Variants in MEGF6 observed in about 807,000 individuals in gnomAD.
MEGF6 encodes the protein multiple epidermal growth factor-like domains protein 6.
A neutral mutation model predicts 207.1 loss-of-function variants in MEGF6; 184 were observed. The observed-to-expected ratio is 0.89, with a 90% CI of 0.79 to 1.00. The LOEUF (loss-of-function observed/expected upper bound fraction) is 1.00. Ranked by LOEUF, MEGF6 falls within the 50% of genes least tolerant of loss-of-function variation. The probability of loss-of-function intolerance (pLI) is 0.00; values close to 1 mark genes in which losing one functional copy is unlikely to be tolerated. For synonymous variants in MEGF6, 1,038 were observed against 910.0 expected (o/e 1.14, Z -2.53); for missense variants, 2,282 against 2,202.9 (o/e 1.04, Z -0.72).
chr1:3,536,746 G>A (rs1319790147), intron 4 of MEGF6, among the ~76,000 whole-genome samples: 6 of 152,306 alleles, frequency 3.9e-5, no homozygotes, highest in South Asian at 4.1e-4. Context: ...CAAGCTGGGC[G>A]GCCACCAGGC....
rs1317146279 is a variant in MEGF6 at position 3,514,549 on chromosome 1, C to A, written c.853+1G>T. On this transcript the variant is annotated splice_donor_variant, in intron 7 of 36. Coordinates refer to ENST00000356575, the MANE Select transcript of MEGF6 (RefSeq NM_001409.4). LOFTEE classifies it high-confidence loss of function. ...GGCGGAGCAGGGGAGGGGCGTCCTA[C>A]CTTCACAGGCCTTGCCGTCCGCTGC... 2.5e-6 allele frequency: 4 copies of A among 1,589,934 alleles called. No individual in the cohort carries two copies. The highest frequency in any genetic ancestry group is 3.4e-6 in the Non-Finnish European group (4 of 1,171,700).
intron 5 of MEGF6, among the ~76,000 whole-genome samples, chr1:3,519,927 C>G (rs1641681458): frequency 5.3e-5 from 8 of 152,164 alleles, no homozygotes. Flanking sequence ...TGGGAGGCCA[C>G]CCCCAGCCGT....
At position 3,490,931 on chromosome 1, in the gene MEGF6, C is replaced by T. The variant is rs756253148; in HGVS notation, c.4545G>A (p.Pro1515=). Reference sequence around the variant, plus strand: ...CCTTACCTGAGCCCTGGGCTAAGGACGGGTTCTCGGGGAGCCGGAGGGGCC... The same window carrying T: ...CCTTACCTGAGCCCTGGGCTAAGGATGGGTTCTCGGGGAGCCGGAGGGGCC... ...EGGPLRLPEN[P]SLAQGSAGTL... is the part of the protein sequence containing the mutation. The change falls in exon 36 of 37, where the codon CCG becomes CCA. Residue 1515 remains proline, a synonymous_variant. Transcript: ENST00000356575. 6.9e-6 allele frequency: 11 copies of T among 1,600,850 alleles called. No homozygotes were observed. Among genetic ancestry groups the T allele is most frequent in the Admixed American group, 5.2e-5 (3 of 57,672 alleles).
intron 6 of MEGF6, 140 bp from the exon 7 acceptor site, chr1:3,514,812 G>T: frequency 3.0e-6 from 3 of 1,016,352 alleles, no homozygotes; most frequent in Admixed American, 5.9e-5. Flanking sequence ...TGGGCAGCGG[G>T]TCTCCCTCCT....
chr1:3,499,685 A>G lies in MEGF6; in HGVS notation c.2868T>C (p.Cys956=). The G allele has an allele frequency of 6.2e-7, 1 of 1,602,208 alleles. No individual in the cohort carries two copies. Among genetic ancestry groups the G allele is most frequent in the South Asian group, 1.1e-5 (1 of 89,116 alleles). Residue 956 remains cysteine (C), a synonymous_variant, in exon 23 of 37, where the codon TGT becomes TGC. Transcript: ENST00000356575. ...ACPAGFFGLD[C]RSACNCTAGA... is the part of the protein sequence containing the mutation. ...CGGCGGTGCAGTTGCAGGCACTGCGACAGTCCAATCCAAAGAAGCCGGCCG... is the reference window on the plus strand; with the variant it reads ...CGGCGGTGCAGTTGCAGGCACTGCGGCAGTCCAATCCAAAGAAGCCGGCCG...
intron 3 of MEGF6, among the ~76,000 whole-genome samples, chr1:3,586,547 G>C (rs1421471675): frequency 6.6e-6 from 1 of 152,122 alleles, no homozygotes; most frequent in Non-Finnish European, 1.5e-5. Context: ...GTCACAGTGG[G>C]ACAGCAGGTC....
intron 12 of MEGF6, 103 bp from the exon 13 acceptor site, chr1:3,508,792 C>T: frequency 7.0e-7 from 1 of 1,432,566 alleles, no homozygotes; most frequent in Non-Finnish European, 9.5e-7. Context: ...GCATAAGGGG[C>T]ATCCTCGGCC....
intron 4 of MEGF6, among the ~76,000 whole-genome samples, chr1:3,544,062 GACA>G (rs1642620298): frequency 6.6e-6 from 1 of 152,202 alleles, no homozygotes; most frequent in Non-Finnish European, 1.5e-5. Flanking sequence ...ACCACTCGCT[GACA>G]CAGGAGGCGG....
At chr1:3,592,077 G>A (rs1442294267) in intron 3 of MEGF6, among the ~76,000 whole-genome samples, 1 of 152,124 alleles carries the variant, frequency 6.6e-6, no homozygotes. Context: ...ATTCTGCCCT[G>A]CCAGGGCACT....
intron 4 of MEGF6, among the ~76,000 whole-genome samples, chr1:3,554,195 G>A (rs1051087938): frequency 7.2e-5 from 11 of 152,178 alleles, no homozygotes; most frequent in Admixed American, 5.9e-4. Context: ...GCTGCATGCC[G>A]TGGGCAGGGG....
chr1:3,544,019 C>T (rs1642617996), intron 4 of MEGF6, among the ~76,000 whole-genome samples: 1 of 152,194 alleles, frequency 6.6e-6, no homozygotes, highest in African/African-American at 2.4e-5. Context: ...CCACCCGGAG[C>T]CGCTCTATCG....
intron 4 of MEGF6, among the ~76,000 whole-genome samples, chr1:3,567,120 T>C (rs956718214): frequency 3.3e-5 from 5 of 152,222 alleles, no homozygotes; most frequent in Non-Finnish European, 7.3e-5. Context: ...GGTCGCACGG[T>C]GCTGGCAGAT....
Position 3,496,725 on chromosome 1 carries a change from C to G in MEGF6, c.3672G>C (p.Gly1224=), listed in dbSNP as rs781304880. ...CCCCCGTGGCCGCATCACAGGAGCC[C>G]CCGTTGAGACACCCACACAGCTGTT... ...GCEQLCGCLN[G]GSCDAATGAC... The change falls in exon 29 of 37, where the codon GGG becomes GGC. Residue 1224 remains glycine, a synonymous_variant. Coordinates refer to ENST00000356575, the MANE Select transcript of MEGF6 (RefSeq NM_001409.4). 1.9e-6 allele frequency: 3 copies of G among 1,558,662 alleles called. No individual in the cohort carries two copies. The African/African-American group carries it at 4.1e-5, about 21-fold the overall frequency.
intron 4 of MEGF6, among the ~76,000 whole-genome samples, chr1:3,567,726 G>A (rs1043822464): frequency 6.6e-6 from 1 of 152,220 alleles, no homozygotes; most frequent in African/African-American, 2.4e-5. Context: ...TCCAGCCAGG[G>A]GCAGGGGGGC....
intron 34 of MEGF6, chr1:3,493,472 C>A (rs1303296850): frequency 4.2e-6 from 2 of 474,084 alleles, no homozygotes; most frequent in Non-Finnish European, 7.5e-6. Context: ...CCACAGCTGG[C>A]AGATCAGGGA....
In MEGF6 at chr1:3,494,816, G is replaced by A. The variant is rs569640551; in HGVS notation, c.3872-75C>T. The A allele has an allele frequency of 5.6e-5, 81 of 1,459,114 alleles. 1 individual carries two copies. The South Asian group carries it at 1.1e-3, about 19-fold the overall frequency. The allele number at this position is 1,459,114 out of a possible 1,614,324, so 90.4% of individuals were successfully genotyped here. ...TCCCTCTGGGGATATGTCCCCACAG[G>A]CTGACAGTCACTCGGTAAATGCTTC... On this transcript the variant is annotated intron_variant, in intron 30 of 36. Transcript: ENST00000356575.
At chr1:3,531,066 C>A (rs1047854550) in intron 4 of MEGF6, 1 of 1,513,778 alleles carries the variant, frequency 6.6e-7, no homozygotes, top group Non-Finnish European at 8.8e-7. Context: ...TGCCCAGGCT[C>A]GCCCGGCGCC....
At chr1:3,582,003 C>G (rs1157889266) in intron 3 of MEGF6, among the ~76,000 whole-genome samples, 2 of 152,208 alleles carry the variant, frequency 1.3e-5, no homozygotes, top group African/African-American at 4.8e-5. Flanking sequence ...CTGAAAATCC[C>G]AGCCAGATCC....
chr1:3,613,867 A>G (rs1470985475), upstream of MEGF6, among the ~76,000 whole-genome samples: 1 of 151,642 alleles, frequency 6.6e-6, no homozygotes, highest in East Asian at 1.9e-4. Context: ...CCCCTGTCCC[A>G]GGCACTGCCG....
Sources: allele counts gnomAD v4.1 joint callset (sites outside exome capture counted in the v4.1 genomes callset), GRCh38; gene constraint gnomAD v4.1.1; transcripts MANE v1.5; gene names NCBI Gene and HGNC (gene_info 2026-07-23, HGNC 2026-07-21).